Variants in WDR91 observed in about 807,000 individuals in gnomAD.
WDR91 encodes the protein WD repeat-containing protein 91.
Under a neutral mutation model 88.4 loss-of-function variants are expected in WDR91, and 52 were observed. The observed-to-expected ratio is 0.59, with a 90% CI of 0.47 to 0.74. The LOEUF (loss-of-function observed/expected upper bound fraction) is 0.74, where lower values mean the gene tolerates loss of function less well. WDR91 is among the 30% of genes least tolerant of loss of function. The pLI is 0.00. For synonymous variants in WDR91, 362 were observed against 389.5 expected (o/e 0.93, Z 0.83); for missense variants, 824 against 954.5 (o/e 0.86, Z 1.80).
intron 5 of WDR91, 120 bp downstream of exon 5, chr7:135,205,808 C>G: frequency 7.0e-7 from 1 of 1,437,868 alleles, no homozygotes; most frequent in Non-Finnish European, 9.5e-7. Context: ...TGCCAGGAGG[C>G]TCTTCCGCAA....
In WDR91 at chr7:135,184,613, G is replaced by A. The variant is rs924012787; in HGVS notation, c.*1538C>T. 2 of 152,346 alleles carry A rather than the reference G, an allele frequency of 1.3e-5. No homozygotes were observed. Among genetic ancestry groups the A allele is most frequent in the Non-Finnish European group, 2.9e-5 (2 of 68,188 alleles). The allele number at this position is 152,346 out of a possible 1,614,324, so 9.4% of individuals were successfully genotyped here. On this transcript the variant is annotated 3_prime_UTR_variant, in exon 15 of 15. Coordinates refer to ENST00000354475, the MANE Select transcript of WDR91 (RefSeq NM_014149.4). ...GTCCCACCCCAGCCAGGGAGGAGAG[G>A]GCAGGCCTCAGGCAGGGTGTGGACA... is the stretch of plus-strand genomic sequence containing the variant.
At chr7:135,209,552 C>A (rs766008735) in intron 2 of WDR91, 24 bp downstream of exon 2, 1 of 1,512,994 alleles carries the variant, frequency 6.6e-7, no homozygotes, top group South Asian at 1.3e-5. Flanking sequence ...CCAAGGGAAG[C>A]AGAACCCCTG....
chr7:135,187,074 G>C lies in WDR91; in HGVS notation c.1977C>G (p.Ser659Arg), dbSNP rs201303963. The change falls in exon 14 of 15, where the codon AGC (serine) becomes AGG (arginine). Residue 659 changes from serine to arginine, a missense_variant. By Grantham distance (110) the Ser-to-Arg change is moderately radical. Coordinates refer to ENST00000354475, the MANE Select transcript of WDR91 (RefSeq NM_014149.4). ...ATGPFVLSGY[S>R]GYKQVQVPRG... ...TGGGGACTTGAACCTGCTTGTAGCC[G>C]CTGTATCCAGACAGCACAAAGGGGC... is the stretch of plus-strand genomic sequence containing the variant. 6.2e-7 allele frequency: 1 copy of C among 1,614,234 alleles called. No homozygotes were observed. The highest frequency in any genetic ancestry group is 2.2e-5 in the East Asian group (1 of 44,882).
intron 3 of WDR91, 27 bp from the exon 4 acceptor site, chr7:135,207,229 C>T (rs764101183): frequency 2.5e-6 from 4 of 1,585,156 alleles, no homozygotes; most frequent in African/African-American, 1.3e-5. Flanking sequence ...AATAAGCCAG[C>T]CCCTGAAATG....
Position 135,211,510 on chromosome 7 carries a change from C to T in WDR91, c.-8G>A, listed in dbSNP as rs375566113. The T allele has an allele frequency of 8.1e-6, 13 of 1,609,238 alleles. No homozygotes were observed. The highest frequency in any genetic ancestry group is 1.7e-4 in the Middle Eastern group (1 of 6,042). On this transcript the variant is annotated 5_prime_UTR_variant, in exon 1 of 15. Transcript: ENST00000354475. ...CTCCACGGCCTCCGCCATCGCAGCG[C>T]TAGCGTCTTTAGGGGTGGTGCGGTG...
rs908535506 is a variant in WDR91 at position 135,198,207 on chromosome 7, A to C, written c.892-56T>G. ...CTTCCCATCTGCCCAGGCCATGATA[A>C]GCATGCCAGGAGTGGTCAGCCCTGG... On this transcript the variant is annotated intron_variant, in intron 6 of 14. Transcript: ENST00000354475. The C allele has an allele frequency of 1.9e-6, 3 of 1,575,522 alleles. No individual in the cohort carries two copies. In the Admixed American group the frequency reaches 5.2e-5, roughly 27 times the overall value.
At position 135,205,946 on chromosome 7, in the gene WDR91, C is replaced by T. The variant is rs147828285; in HGVS notation, c.707G>A (p.Arg236His). Residue 236 changes from arginine to histidine, a missense_variant, in exon 5 of 15, where the codon CGC (arginine) becomes CAC (histidine). By Grantham distance (29) the Arg-to-His change is conservative. Transcript: ENST00000354475. ...KLPPYVSNMDRLGDSELAMVC... is the reference protein window; with the variant it reads ...KLPPYVSNMDHLGDSELAMVC... Reference sequence around the variant, plus strand: ...CACTCACAGTTCCGAGTCCCCCAGGCGGTCCATGTTGGAGACATAAGGAGG... The same window carrying T: ...CACTCACAGTTCCGAGTCCCCCAGGTGGTCCATGTTGGAGACATAAGGAGG... 4.3e-4 allele frequency: 690 copies of T among 1,613,750 alleles called. 6 individuals carry two copies. The South Asian group carries it at 6.6e-3, about 15-fold the overall frequency.
intron 5 of WDR91, among the ~76,000 whole-genome samples, chr7:135,204,642 C>T (rs1831695963): frequency 6.6e-6 from 1 of 152,190 alleles, no homozygotes; most frequent in Non-Finnish European, 1.5e-5. Context: ...AAGTCTGCGG[C>T]TCTTCTTTGA....
chr7:135,208,339 A>G (rs942143962), intron 3 of WDR91, among the ~76,000 whole-genome samples: 1 of 152,228 alleles, frequency 6.6e-6, no homozygotes, highest in Admixed American at 6.5e-5. Context: ...TGAAGTTACT[A>G]TTAGAGACAA....
chr7:135,185,867 C>T lies in WDR91; in HGVS notation c.*284G>A. ...AATTTCTACTGGGCCAACACAGTAG[C>T]CACTGCAATGTTTCTCCTTCTTCCG... On this transcript the variant is annotated 3_prime_UTR_variant, in exon 15 of 15. Transcript: ENST00000354475. The T allele has an allele frequency of 2.4e-6, 1 of 413,572 alleles. No homozygotes were observed. Among genetic ancestry groups the T allele is most frequent in the Admixed American group, 4.6e-5 (1 of 21,810 alleles). 25.6% of individuals were successfully genotyped at this position (413,572 alleles called of 1,614,324 possible).
Position 135,185,492 on chromosome 7 carries a change from T to C in WDR91, c.*659A>G, listed in dbSNP as rs960181415. ...CCACTGGATGGAAAGGGGCAGCCAGTAGCAGAGGCCTCAGCCCCTGCCTTC... is the reference window on the plus strand; with the variant it reads ...CCACTGGATGGAAAGGGGCAGCCAGCAGCAGAGGCCTCAGCCCCTGCCTTC... On this transcript the variant is annotated 3_prime_UTR_variant, in exon 15 of 15. Transcript: ENST00000354475. 2.0e-5 allele frequency: 3 copies of C among 152,234 alleles called. No homozygotes were observed. The highest frequency in any genetic ancestry group is 1.5e-5 in the Non-Finnish European group (1 of 68,048). The allele number at this position is 152,234 out of a possible 1,614,324, so 9.4% of individuals were successfully genotyped here.
chr7:135,190,486 A>G (rs1295762228), intron 11 of WDR91, among the ~76,000 whole-genome samples: 2 of 152,236 alleles, frequency 1.3e-5, no homozygotes, highest in African/African-American at 2.4e-5. Context: ...CACAATTCAT[A>G]AGAAACAGGA....
In WDR91 at chr7:135,209,726, C is replaced by T; in HGVS notation, c.153G>A (p.Gln51=). ...RVDKIVDQLQ[Q]LMQVYDLAAL... is the part of the protein sequence containing the mutation. ...CAGCCAAGTCATACACCTGCATTAA[C>T]TGCTGCAGCTGGTCCACAATCTTAT... The change falls in exon 2 of 15, where the codon CAG becomes CAA. Residue 51 remains glutamine (Q), a synonymous_variant. Transcript: ENST00000354475. 6.2e-7 allele frequency: 1 copy of T among 1,607,058 alleles called. No homozygotes were observed. The highest frequency in any genetic ancestry group is 8.5e-7 in the Non-Finnish European group (1 of 1,176,892).
intron 4 of WDR91, among the ~76,000 whole-genome samples, chr7:135,206,709 ATG>A (rs912824530): frequency 7.9e-5 from 12 of 151,494 alleles, no homozygotes; most frequent in Non-Finnish European, 1.2e-4. Flanking sequence ...AACTATATAT[ATG>A]TGTGTGTGTG....
At chr7:135,192,760 C>T (rs1372232961) in intron 11 of WDR91, among the ~76,000 whole-genome samples, 1 of 152,198 alleles carries the variant, frequency 6.6e-6, no homozygotes, top group Admixed American at 6.5e-5. Flanking sequence ...TAGCATCATT[C>T]AATCTCTCTG....
chr7:135,198,293 G>C, intron 6 of WDR91, 142 bp from the exon 7 acceptor site: 2 of 963,802 alleles, frequency 2.1e-6, no homozygotes, highest in Non-Finnish European at 3.0e-6. Flanking sequence ...AGCTATGTAG[G>C]TGAGGTCATA....
At chr7:135,202,923 T>C (rs1161477791) in intron 6 of WDR91, among the ~76,000 whole-genome samples, 7 of 152,230 alleles carry the variant, frequency 4.6e-5, no homozygotes, top group Non-Finnish European at 8.8e-5. Flanking sequence ...AACGGCACTT[T>C]AGGTCTCAGA....
intron 14 of WDR91, among the ~76,000 whole-genome samples, chr7:135,186,698 A>G (rs1384631146): frequency 6.6e-6 from 1 of 152,242 alleles, no homozygotes; most frequent in Non-Finnish European, 1.5e-5. Context: ...TGCAAGCTGC[A>G]GGAGAGCAGG....
intron 4 of WDR91, among the ~76,000 whole-genome samples, chr7:135,206,765 G>GTATA (rs142407249): frequency 6.6e-6 from 1 of 150,386 alleles, no homozygotes; most frequent in African/African-American, 2.4e-5. Context: ...ATATATATGT[G>GTATA]TATATATATA....
Sources: allele counts gnomAD v4.1 joint callset (sites outside exome capture counted in the v4.1 genomes callset), GRCh38; gene constraint gnomAD v4.1.1; transcripts MANE v1.5; gene names NCBI Gene and HGNC (gene_info 2026-07-23, HGNC 2026-07-21).